Variants in CADM2 observed in about 807,000 individuals in gnomAD.
CADM2 encodes the protein immunoglobulin superfamily member 4D.
Under a neutral mutation model 49.8 loss-of-function variants are expected in CADM2, and 12 were observed. That is an observed-to-expected ratio of 0.24 (90% CI 0.15 to 0.39). The LOEUF (loss-of-function observed/expected upper bound fraction) is 0.39, where lower values mean the gene tolerates loss of function less well. Ranked by LOEUF, CADM2 falls within the 10% of genes least tolerant of loss-of-function variation. CADM2 has a pLI of 1.00. For synonymous variants in CADM2, 214 were observed against 175.4 expected, an observed-to-expected ratio of 1.22 and a Z score of -1.74; for missense variants, 378 against 492.3, an observed-to-expected ratio of 0.77 and a Z score of 2.20.
intron 1 of CADM2, among the ~76,000 whole-genome samples, chr3:85,114,537 T>C (rs1290717264): frequency 1.3e-5 from 2 of 152,210 alleles, no homozygotes; most frequent in Non-Finnish European, 2.9e-5. Context: ...TCTAGAAGTC[T>C]GTAGTTCTGA....
chr3:85,712,561 C>A (rs1209807727), intron 1 of CADM2, among the ~76,000 whole-genome samples: 1 of 152,112 alleles, frequency 6.6e-6, no homozygotes, highest in South Asian at 2.1e-4. Context: ...CACTTAAGAC[C>A]TTTTCCATTT....
chr3:86,055,177 T>C (rs1013904890), intron 8 of CADM2, among the ~76,000 whole-genome samples: 3 of 152,196 alleles, frequency 2.0e-5, no homozygotes, highest in Non-Finnish European at 4.4e-5. Context: ...ATTGTTTTAT[T>C]TGCATATTTA....
Position 85,856,804 on chromosome 3 carries a change from C to T in CADM2, c.239-26487C>T, listed in dbSNP as rs551471188. The stretch of plus-strand genomic sequence containing the variant: ...TAAAAACAAAAACTTGCCTAAAAAT[C>T]ACATTTAAGATAAATAAAGAGTCAC... On this transcript the variant is annotated intron_variant, in intron 3 of 9. Transcript: ENST00000383699. 1.3e-4 allele frequency among the ~76,000 whole-genome samples: 19 copies of T among 151,940 alleles called. No homozygotes were observed. The South Asian group carries it at 1.3e-3, about 10-fold the overall frequency.
intron 1 of CADM2, among the ~76,000 whole-genome samples, chr3:85,402,591 T>G (rs922843224): frequency 6.6e-6 from 1 of 152,178 alleles, no homozygotes; most frequent in African/African-American, 2.4e-5. Flanking sequence ...TGTTATTAAG[T>G]GTATGAACTA....
chr3:85,865,766 A>C (rs2108336195), intron 3 of CADM2, among the ~76,000 whole-genome samples: 1 of 152,342 alleles, frequency 6.6e-6, no homozygotes, highest in South Asian at 2.1e-4. Context: ...TAAATGCACG[A>C]TACTACTTTT....
At chr3:86,006,301 C>G (rs1451956890) in intron 8 of CADM2, among the ~76,000 whole-genome samples, 1 of 152,126 alleles carries the variant, frequency 6.6e-6, no homozygotes, top group Admixed American at 6.5e-5. Context: ...TAGTCTAGAG[C>G]TTTAACAGAA....
At chr3:85,499,744 T>C (rs1051795150) in intron 1 of CADM2, among the ~76,000 whole-genome samples, 3 of 152,072 alleles carry the variant, frequency 2.0e-5, no homozygotes, top group Non-Finnish European at 4.4e-5. Flanking sequence ...AGCGGGGACA[T>C]TATTGATGGA....
chr3:85,179,274 A>G (rs1043547933), intron 1 of CADM2, among the ~76,000 whole-genome samples: 2 of 151,988 alleles, frequency 1.3e-5, no homozygotes, highest in African/African-American at 2.4e-5. Flanking sequence ...CCCTTTCTAG[A>G]TGGTGCTTCC....
chr3:85,108,994 A>G (rs1014408516), intron 1 of CADM2, among the ~76,000 whole-genome samples: 15 of 152,112 alleles, frequency 9.9e-5, no homozygotes, highest in African/African-American at 3.6e-4. Flanking sequence ...CACCAGATGC[A>G]GCATATATTA....
chr3:85,172,888 T>C (rs973319325), intron 1 of CADM2, among the ~76,000 whole-genome samples: 2 of 146,518 alleles, frequency 1.4e-5, no homozygotes, highest in Admixed American at 1.4e-4. Context: ...ATGTATAATA[T>C]ATGCAATTAT....
chr3:85,105,744 G>T (rs1318091954), intron 1 of CADM2, among the ~76,000 whole-genome samples: 1 of 152,118 alleles, frequency 6.6e-6, no homozygotes, highest in Non-Finnish European at 1.5e-5. Flanking sequence ...CACATGTACA[G>T]CATGGGATAC....
intron 3 of CADM2, among the ~76,000 whole-genome samples, chr3:85,840,380 A>G (rs1193197677): frequency 1.3e-5 from 2 of 151,910 alleles, no homozygotes; most frequent in Non-Finnish European, 2.9e-5. Flanking sequence ...AAAAGCGGTC[A>G]CCTAAGACTT....
At chr3:85,819,992 A>G (rs2073451919) in intron 3 of CADM2, among the ~76,000 whole-genome samples, 1 of 152,112 alleles carries the variant, frequency 6.6e-6, no homozygotes, top group African/African-American at 2.4e-5. Context: ...AAGCTTCATG[A>G]AGGTGACATT....
rs542332414 is a variant in CADM2 at position 85,156,773 on chromosome 3, T to C, written c.61+197105T>C. Among the ~76,000 whole-genome samples, 9 of 152,290 alleles carry C rather than the reference T, an allele frequency of 5.9e-5. No individual in the cohort carries two copies. In the East Asian group the frequency reaches 1.5e-3, roughly 26 times the overall value. On this transcript the variant is annotated intron_variant, in intron 1 of 9. Transcript: ENST00000383699. ...AACTGGAAGCATTCCTTTTGAAAAC[T>C]GGCACAAGACAGGGATGCCCTCTCT...
chr3:85,717,636 G>A (rs1210326824), intron 1 of CADM2, among the ~76,000 whole-genome samples: 1 of 152,152 alleles, frequency 6.6e-6, no homozygotes, highest in African/African-American at 2.4e-5. Flanking sequence ...GTCATAAATA[G>A]TTCTTATTAC....
At chr3:85,041,126 T>C (rs2035422624) in intron 1 of CADM2, among the ~76,000 whole-genome samples, 1 of 152,190 alleles carries the variant, frequency 6.6e-6, no homozygotes, top group African/African-American at 2.4e-5. Context: ...AATTACTTAG[T>C]CTCTAAAACT....
At chr3:86,002,006 A>G (rs748092753) in intron 8 of CADM2, among the ~76,000 whole-genome samples, 6 of 152,180 alleles carry the variant, frequency 3.9e-5, no homozygotes, top group South Asian at 2.1e-4. Context: ...TCACCAGTGG[A>G]TGGGAACAGA....
chr3:85,827,857 T>C (rs1255353755), intron 3 of CADM2: 1 of 152,026 alleles, frequency 6.6e-6, no homozygotes, highest in Non-Finnish European at 1.5e-5. Context: ...ATGTCATTCA[T>C]GGATCCAGGT....
intron 1 of CADM2, among the ~76,000 whole-genome samples, chr3:85,495,211 C>G (rs1245168843): frequency 1.3e-5 from 2 of 152,088 alleles, no homozygotes; most frequent in Non-Finnish European, 2.9e-5. Context: ...CAGACAATAA[C>G]AAGTTCATCA....
Sources: gnomAD v4.1 joint callset for allele counts (sites outside exome capture counted in the v4.1 genomes callset) on GRCh38, gnomAD v4.1.1 for gene constraint, MANE v1.5 for transcripts, NCBI Gene and HGNC (gene_info 2026-07-23, HGNC 2026-07-21) for gene names.